KRT7: variants seen among roughly 807,000 people sequenced by gnomAD.
KRT7 encodes the protein keratin, type II cytoskeletal 7.
A neutral mutation model predicts 42.8 loss-of-function variants in KRT7; 50 were observed. The ratio of observed to expected loss-of-function variants is 1.17; its 90% CI spans 0.93 to 1.48. The LOEUF is 1.48. Among genes scored for constraint, KRT7 ranks in the 40% most tolerant of loss-of-function variants. The pLI, the probability that KRT7 is intolerant of heterozygous loss-of-function variation, is 0.00. For missense variants in KRT7, 588 were observed against 637.6 expected (o/e 0.92, Z 0.84); for synonymous variants, 268 against 266.3 (o/e 1.01, Z -0.06).
At chr12:52,254,484 G>A (rs117298691), downstream of KRT7, 283 of 444,798 alleles carry the variant, frequency 6.4e-4, 2 homozygotes, top group East Asian at 0.014. Flanking sequence ...CCCTCTGTAC[G>A]TGCTCATCCC....
At chr12:52,237,692 G>A in intron 3 of KRT7, 123 bp downstream of exon 3, 1 of 693,916 alleles carries the variant, frequency 1.4e-6, no homozygotes, top group Non-Finnish European at 2.5e-6. Context: ...CTGTCCAAGA[G>A]GAAGTCTGCA....
chr12:52,244,390 G>A lies in KRT7; in HGVS notation c.985-1022G>A, dbSNP rs1019095146. The A allele has an allele frequency of 5.1e-6, 5 of 985,516 alleles. No homozygotes were observed. The East Asian group carries it at 3.4e-4, about 67-fold the overall frequency. The allele number at this position is 985,516 out of a possible 1,614,324, so 61.0% of individuals were successfully genotyped here. A position where few individuals can be genotyped will look rare whatever the true frequency, so the allele number is the denominator to read the frequency against. ...ACAACAGGGCGGATCCAGGCCTATAGCCAGGTGTCTACCACCACTGAGGGG... is the reference window on the plus strand; with the variant it reads ...ACAACAGGGCGGATCCAGGCCTATAACCAGGTGTCTACCACCACTGAGGGG... On this transcript the variant is annotated intron_variant, in intron 6 of 8. Transcript: ENST00000331817.
intron 5 of KRT7, among the ~76,000 whole-genome samples, chr12:52,242,231 C>A (rs1942103409): frequency 6.6e-6 from 1 of 152,200 alleles, no homozygotes; most frequent in Non-Finnish European, 1.5e-5. Flanking sequence ...CCTCGGCCTC[C>A]CAAAGTGCTG....
At chr12:52,237,395 T>G in intron 2 of KRT7, 114 bp from the exon 3 acceptor site, 1 of 718,122 alleles carries the variant, frequency 1.4e-6, no homozygotes, top group Non-Finnish European at 2.3e-6. Flanking sequence ...TTCAGGTGTG[T>G]CTTTAAAGAG....
chr12:52,250,489 C>G, downstream of KRT7: 1 of 667,302 alleles, frequency 1.5e-6, no homozygotes, highest in South Asian at 1.5e-5. Context: ...ACGGAGCGGC[C>G]GCTGCCGCTG....
At chr12:52,234,573 C>T (rs553626363) in intron 1 of KRT7, among the ~76,000 whole-genome samples, 6 of 152,214 alleles carry the variant, frequency 3.9e-5, no homozygotes, top group Non-Finnish European at 7.4e-5. Context: ...TGAGCTGCAC[C>T]GTCTTACTCT....
At chr12:52,250,678 G>T (rs111499822), downstream of KRT7, 158 of 617,252 alleles carry the variant, frequency 2.6e-4, no homozygotes, top group Middle Eastern at 2.2e-3. Context: ...GTCTCCTGGC[G>T]GCCAGAGGCC....
chr12:52,241,172 C>T (rs12320971), intron 4 of KRT7, among the ~76,000 whole-genome samples: 43,526 of 151,964 alleles, frequency 0.29, 6,855 homozygotes, highest in Non-Finnish European at 0.34. Flanking sequence ...CAATAGAGCT[C>T]GTGCACCTAC....
intron 4 of KRT7, 143 bp downstream of exon 4, chr12:52,238,918 A>G (rs768444927): frequency 4.7e-5 from 29 of 611,804 alleles, no homozygotes; most frequent in Non-Finnish European, 8.0e-5. Flanking sequence ...CAAAGAATGG[A>G]CTCAGAGACC....
intron 4 of KRT7, among the ~76,000 whole-genome samples, chr12:52,239,553 T>A (rs1942056805): frequency 6.6e-6 from 1 of 151,926 alleles, no homozygotes. Context: ...GAGGTGGGGG[T>A]GAGTCAATCA....
Position 52,245,411 on chromosome 12 carries a change from G to A in KRT7, c.985-1G>A. On this transcript the variant is annotated splice_acceptor_variant, in intron 6 of 8. Transcript: ENST00000331817. LOFTEE classifies it high-confidence loss of function. ...GCTTACAGCTGCACTGCTGCCCACAGCGTGCCAAGTTGGAGGCCGCCATTG... is the reference window on the plus strand; with the variant it reads ...GCTTACAGCTGCACTGCTGCCCACAACGTGCCAAGTTGGAGGCCGCCATTG... 3 of 1,613,504 alleles carry A rather than the reference G, an allele frequency of 1.9e-6. No individual in the cohort carries two copies. Among genetic ancestry groups the A allele is most frequent in the Non-Finnish European group, 2.5e-6 (3 of 1,179,904 alleles).
intron 4 of KRT7, among the ~76,000 whole-genome samples, chr12:52,239,239 G>A (rs55862525): frequency 0.18 from 27,486 of 152,098 alleles, 2,729 homozygotes; most frequent in Non-Finnish European, 0.21. Context: ...AGCTGGGCAG[G>A]CTGATAAGAA....
chr12:52,247,550 A>C (rs1302431981), intron 7 of KRT7: 1 of 152,946 alleles, frequency 6.5e-6, no homozygotes, highest in Non-Finnish European at 1.5e-5. Context: ...GTCACAAAAC[A>C]AACATAGCCA....
At chr12:52,234,121 C>CGGGGGGGGG (rs1299477013) in intron 1 of KRT7, among the ~76,000 whole-genome samples, 12 of 2,982 alleles carry the variant, frequency 4.0e-3, no homozygotes, top group African/African-American at 7.7e-3. Flanking sequence ...GTCGGTGGGG[C>CGGGGGGGGG]GGGGGAGGGG....
downstream of KRT7, chr12:52,254,296 G>A (rs79072848): frequency 0.012 from 11,697 of 980,726 alleles, 275 homozygotes; most frequent in South Asian, 0.059. Flanking sequence ...TCAGGAAGTC[G>A]ATCTCCTGGG....
At chr12:52,245,737 G>A in intron 7 of KRT7, 105 bp downstream of exon 7, 1 of 1,425,500 alleles carries the variant, frequency 7.0e-7, no homozygotes, top group Non-Finnish European at 9.6e-7. Context: ...CTCCTCTGCA[G>A]GGCACTGGGT....
downstream of KRT7, chr12:52,250,574 C>CGCT (rs1555183580): frequency 7.9e-7 from 1 of 1,258,794 alleles, no homozygotes; most frequent in Non-Finnish European, 1.1e-6. Flanking sequence ...AGACGCTGCC[C>CGCT]GTCACCGGCC....
downstream of KRT7, chr12:52,250,598 G>T (rs966314987): frequency 6.5e-6 from 8 of 1,224,210 alleles, no homozygotes; most frequent in Admixed American, 6.0e-5. Flanking sequence ...AGCCCGACAC[G>T]CACAGGTCCC....
At chr12:52,252,164 A>G, downstream of KRT7, 1 of 1,449,958 alleles carries the variant, frequency 6.9e-7, no homozygotes, top group Non-Finnish European at 9.6e-7. Flanking sequence ...TGCACATTCC[A>G]AGTAAATAAT....
Sources: allele counts gnomAD v4.1 joint callset (sites outside exome capture counted in the v4.1 genomes callset), GRCh38; gene constraint gnomAD v4.1.1; transcripts MANE v1.5; gene names NCBI Gene and HGNC (gene_info 2026-07-23, HGNC 2026-07-21).